GPC5: variants seen among roughly 807,000 people sequenced by gnomAD.
GPC5 encodes glypican 5.
GPC5 carries 47 observed loss-of-function variants against 53.9 expected under a neutral mutation model. The ratio of observed to expected loss-of-function variants is 0.87; its 90% CI spans 0.69 to 1.11. The LOEUF (loss-of-function observed/expected upper bound fraction) is 1.11, where lower values mean the gene tolerates loss of function less well. Among genes scored for constraint, GPC5 ranks in the 50% most tolerant of loss-of-function variants. The pLI is 0.00. For synonymous variants in GPC5, 286 were observed against 263.3 expected, an observed-to-expected ratio of 1.09 and a Z score of -0.84; for missense variants, 748 against 713.1, an observed-to-expected ratio of 1.05 and a Z score of -0.56.
chr13:92,583,061 T>C, intron 7 of GPC5, among the ~76,000 whole-genome samples: 1 of 147,312 alleles, frequency 6.8e-6, no homozygotes, highest in East Asian at 1.9e-4. Context: ...ATCCTTGTCT[T>C]GTTCCTGATC....
intron 7 of GPC5, among the ~76,000 whole-genome samples, chr13:92,642,162 C>A (rs368234189): frequency 6.6e-6 from 1 of 152,152 alleles, no homozygotes; most frequent in Non-Finnish European, 1.5e-5. Context: ...TCTACCTGAA[C>A]AGTAGTGTGC....
chr13:92,123,256 A>AG (rs2041665544), intron 6 of GPC5, among the ~76,000 whole-genome samples: 1 of 151,814 alleles, frequency 6.6e-6, no homozygotes, highest in Admixed American at 6.6e-5. Flanking sequence ...AAAAAAAAAA[A>AG]CTATTTGGTT....
chr13:91,912,778 C>T (rs151138481), intron 6 of GPC5, among the ~76,000 whole-genome samples: 198 of 152,228 alleles, frequency 1.3e-3, no homozygotes, highest in African/African-American at 4.2e-3. Flanking sequence ...TATCAGTAGA[C>T]GTAAAATATT....
intron 2 of GPC5, among the ~76,000 whole-genome samples, chr13:91,586,543 T>G (rs2032590294): frequency 2.4e-5 from 1 of 40,932 alleles, no homozygotes; most frequent in Non-Finnish European, 3.8e-5. Context: ...TATATATATA[T>G]ATATATATAT....
chr13:91,657,880 A>T (rs1025152367), intron 2 of GPC5, among the ~76,000 whole-genome samples: 1 of 152,192 alleles, frequency 6.6e-6, no homozygotes, highest in African/African-American at 2.4e-5. Flanking sequence ...AATTTAAAAA[A>T]ATACATTTGT....
chr13:92,715,826 C>A (rs1455340714), intron 7 of GPC5, among the ~76,000 whole-genome samples: 1 of 152,156 alleles, frequency 6.6e-6, no homozygotes, highest in African/African-American at 2.4e-5. Context: ...AGGGCTCATA[C>A]AACAAACATG....
intron 6 of GPC5, among the ~76,000 whole-genome samples, chr13:92,115,633 G>A (rs1290240761): frequency 6.6e-6 from 1 of 152,120 alleles, no homozygotes; most frequent in Non-Finnish European, 1.5e-5. Context: ...GACCTTCAAA[G>A]GAAGTCATCC....
chr13:92,377,463 TG>T lies in GPC5; in HGVS notation c.1561+232476del, dbSNP rs534633542. Among the ~76,000 whole-genome samples, 622 of 152,298 alleles carry T rather than the reference TG, an allele frequency of 4.1e-3. 3 individuals carry two copies. Among genetic ancestry groups the T allele is most frequent in the African/African-American group, 0.014 (595 of 41,542 alleles). ...AATTAATTGTCTCTGTGATATAATA[TG>T]GAAGTTATAACTAGAAAAGTTTAGT... is the stretch of plus-strand genomic sequence containing the variant. On this transcript the variant is annotated intron_variant, in intron 7 of 7. Coordinates refer to ENST00000377067, the MANE Select transcript of GPC5 (RefSeq NM_004466.6).
chr13:92,651,121 T>G (rs1885943856), intron 7 of GPC5, among the ~76,000 whole-genome samples: 1 of 152,236 alleles, frequency 6.6e-6, no homozygotes, highest in East Asian at 1.9e-4. Context: ...ATGGGAATAC[T>G]ATGGGACCTT....
chr13:92,825,419 G>A (rs1354815576), intron 7 of GPC5, among the ~76,000 whole-genome samples: 5 of 152,158 alleles, frequency 3.3e-5, no homozygotes, highest in African/African-American at 1.2e-4. Context: ...AATTTTGAAA[G>A]CATAAAAAAA....
chr13:92,787,667 C>CAAAAAAAAAAAAAAAAAAAAAAAAAAAA (rs71202562), intron 7 of GPC5, among the ~76,000 whole-genome samples: 6 of 56,226 alleles, frequency 1.1e-4, no homozygotes, highest in East Asian at 8.0e-4. Flanking sequence ...CTCATAGCTA[C>CAAAAAAAAAAAAAAAAAAAAAAAAAAAA]AAAAAAAAAA....
intron 7 of GPC5, among the ~76,000 whole-genome samples, chr13:92,748,315 TTA>T (rs1889290685): frequency 4.0e-5 from 4 of 99,378 alleles, no homozygotes; most frequent in African/African-American, 9.6e-5. Flanking sequence ...TTTTATTTTA[TTA>T]TTATTATTAT....
chr13:91,586,233 A>G (rs1594293452), intron 2 of GPC5, among the ~76,000 whole-genome samples: 1 of 150,840 alleles, frequency 6.6e-6, no homozygotes, highest in East Asian at 2.0e-4. Flanking sequence ...TTAAGCTTCA[A>G]GTTTCCATGA....
intron 5 of GPC5, among the ~76,000 whole-genome samples, chr13:91,798,922 GAT>G (rs2038090645): frequency 6.6e-6 from 1 of 152,198 alleles, no homozygotes; most frequent in Non-Finnish European, 1.5e-5. Context: ...ACTGGCATAA[GAT>G]GGTGTCTCAC....
At chr13:92,727,717 A>C (rs182515760) in intron 7 of GPC5, among the ~76,000 whole-genome samples, 1 of 151,504 alleles carries the variant, frequency 6.6e-6, no homozygotes, top group Non-Finnish European at 1.5e-5. Flanking sequence ...ACTTCTGAAA[A>C]GAAACATACC....
At chr13:92,012,573 A>C (rs1169424042) in intron 6 of GPC5, among the ~76,000 whole-genome samples, 1 of 152,196 alleles carries the variant, frequency 6.6e-6, no homozygotes, top group East Asian at 1.9e-4. Context: ...TAAATTATAA[A>C]TTTGAATCTT....
intron 1 of GPC5, among the ~76,000 whole-genome samples, chr13:91,436,341 T>G (rs1879954140): frequency 6.6e-6 from 1 of 151,936 alleles, no homozygotes; most frequent in Non-Finnish European, 1.5e-5. Context: ...TAAATTTCCC[T>G]CTACACACTG....
At chr13:91,691,382 G>T (rs1228110923) in intron 2 of GPC5, among the ~76,000 whole-genome samples, 3 of 152,114 alleles carry the variant, frequency 2.0e-5, no homozygotes, top group Non-Finnish European at 4.4e-5. Flanking sequence ...TGAAGCCCAG[G>T]TGATCAGGCC....
chr13:92,789,242 G>C (rs1876374167), intron 7 of GPC5, among the ~76,000 whole-genome samples: 1 of 152,082 alleles, frequency 6.6e-6, no homozygotes, highest in South Asian at 2.1e-4. Flanking sequence ...TGAGGCCCTT[G>C]TTAGGGGGGT....
Sources: allele counts gnomAD v4.1 joint callset (sites outside exome capture counted in the v4.1 genomes callset), GRCh38; gene constraint gnomAD v4.1.1; transcripts MANE v1.5; gene names NCBI Gene and HGNC (gene_info 2026-07-23, HGNC 2026-07-21).